The following SANBR variants were observed in gnomAD, a reference collection of about 807,000 sequenced individuals.
The protein encoded by SANBR is SANT and BTB domain regulator of class switch recombination.
SANBR carries 77 observed loss-of-function variants against 101.8 expected under a neutral mutation model. The ratio of observed to expected loss-of-function variants is 0.76; its 90% CI spans 0.63 to 0.91. The LOEUF (loss-of-function observed/expected upper bound fraction) is 0.91. Among genes scored for constraint, SANBR ranks in the 40% least tolerant of loss-of-function variants. SANBR has a pLI of 0.00. For missense variants in SANBR, 875 were observed against 853.0 expected (o/e 1.03, Z -0.32); for synonymous variants, 279 against 274.7 (o/e 1.02, Z -0.15).
rs1384979677 is a variant in SANBR at position 61,110,763 on chromosome 2, A to G, written c.1744+1467A>G. Among the ~76,000 whole-genome samples, 9 of 150,862 alleles carry G rather than the reference A, an allele frequency of 6.0e-5. No homozygotes were observed. The East Asian group carries it at 1.6e-3, about 26-fold the overall frequency. ...CTCAGGAGGCTGAGGCAGGAGAATCACTTGAACCCAGGAAGGGGAGGTTGC... is the reference window on the plus strand; with the variant it reads ...CTCAGGAGGCTGAGGCAGGAGAATCGCTTGAACCCAGGAAGGGGAGGTTGC... On this transcript the variant is annotated intron_variant, in intron 16 of 21. Transcript: ENST00000402291.
At chr2:61,086,865 CAG>C (rs745980777) in intron 8 of SANBR, among the ~76,000 whole-genome samples, 1 of 151,790 alleles carries the variant, frequency 6.6e-6, no homozygotes, top group Admixed American at 6.6e-5. Flanking sequence ...GGGAACAACA[CAG>C]AGAGGAATTA....
chr2:61,121,426 CAG>C lies in SANBR; in HGVS notation c.2120+152_2120+153del, dbSNP rs1158858395. 12 of 489,682 alleles carry C rather than the reference CAG, an allele frequency of 2.5e-5. No individual in the cohort carries two copies. The South Asian group carries it at 2.5e-4, about 10-fold the overall frequency. 30.3% of individuals were successfully genotyped at this position (489,682 alleles called of 1,614,324 possible). On this transcript the variant is annotated intron_variant, in intron 21 of 21. Coordinates refer to ENST00000402291, the MANE Select transcript of SANBR (RefSeq NM_001129993.3). ...ATATTATCAAGGCACTAATTAGAAA[CAG>C]ATTTTAACTTAAAAGATAAAATCTA... is the stretch of plus-strand genomic sequence containing the variant.
chr2:61,069,449 C>T (rs766137692), intron 2 of SANBR, among the ~76,000 whole-genome samples: 5 of 152,150 alleles, frequency 3.3e-5, no homozygotes, highest in Non-Finnish European at 5.9e-5. Flanking sequence ...CTCCTGTGTA[C>T]GCTGCCTTTT....
At chr2:61,113,862 A>AT (rs1683949643) in intron 16 of SANBR, among the ~76,000 whole-genome samples, 1 of 152,172 alleles carries the variant, frequency 6.6e-6, no homozygotes, top group African/African-American at 2.4e-5. Flanking sequence ...TAAGTATGTA[A>AT]TGTCAGTTGT....
chr2:61,133,849 G>A (rs899615204), intron 20 of SANBR, among the ~76,000 whole-genome samples: 2 of 152,162 alleles, frequency 1.3e-5, no homozygotes, highest in Admixed American at 6.6e-5. Flanking sequence ...TGATGAAAAT[G>A]TTCAAAACTG....
chr2:61,120,161 T>G (rs1361132656), intron 20 of SANBR, among the ~76,000 whole-genome samples: 1 of 152,202 alleles, frequency 6.6e-6, no homozygotes, highest in Non-Finnish European at 1.5e-5. Flanking sequence ...CTAGAAATAC[T>G]ATAAATGATG....
chr2:61,096,983 G>C (rs1007889604), intron 11 of SANBR, among the ~76,000 whole-genome samples: 21 of 152,222 alleles, frequency 1.4e-4, no homozygotes, highest in Middle Eastern at 3.4e-3. Context: ...GCAAAACCCT[G>C]TCTCTACTAA....
chr2:61,118,397 T>C (rs1460758494), intron 20 of SANBR, among the ~76,000 whole-genome samples: 1 of 151,282 alleles, frequency 6.6e-6, no homozygotes, highest in Non-Finnish European at 1.5e-5. Flanking sequence ...TGCACCACCA[T>C]GCGCAGCTGA....
downstream of SANBR, among the ~76,000 whole-genome samples, chr2:61,127,197 G>A (rs1684538501): frequency 6.6e-6 from 1 of 152,148 alleles, no homozygotes; most frequent in South Asian, 2.1e-4. Flanking sequence ...AACAGTGACT[G>A]GAGCAGCTGA....
intron 16 of SANBR, among the ~76,000 whole-genome samples, chr2:61,112,541 G>A (rs559204169): frequency 3.8e-4 from 58 of 150,792 alleles, no homozygotes; most frequent in Non-Finnish European, 5.0e-4. Context: ...CTGTCATCCA[G>A]GCTGGAGTGT....
At chr2:61,072,821 CTTTTTTTTTTTTT>C (rs70959893) in intron 4 of SANBR, among the ~76,000 whole-genome samples, 7 of 31,660 alleles carry the variant, frequency 2.2e-4, no homozygotes, top group Admixed American at 2.0e-3. Flanking sequence ...TCTCATGTTA[CTTTTTTTTTTTTT>C]TTTTTTTTTT....
intron 12 of SANBR, 28 bp from the exon 13 acceptor site, chr2:61,103,808 TTCTATAACAAACTAACC>T: frequency 6.3e-7 from 1 of 1,577,176 alleles, no homozygotes; most frequent in Non-Finnish European, 8.7e-7. Context: ...TAAAGGAGTG[TTCTATAACAAACTAACC>T]TCTAATTTAT....
At chr2:61,088,755 A>C in intron 10 of SANBR, 2 of 497,300 alleles carry the variant, frequency 4.0e-6, no homozygotes, top group Non-Finnish European at 5.2e-6. Context: ...TCCTGACCTC[A>C]TGATTTGCCC....
intron 21 of SANBR, among the ~76,000 whole-genome samples, chr2:61,135,828 A>AAGAAAGC (rs1036389358): frequency 2.0e-5 from 3 of 152,198 alleles, no homozygotes; most frequent in Admixed American, 1.3e-4. Context: ...TGAAAAGGGA[A>AAGAAAGC]AGAAAGCAGA....
At chr2:61,070,597 CA>C (rs776550314) in intron 3 of SANBR, 97 bp downstream of exon 3, 2 of 1,146,422 alleles carry the variant, frequency 1.7e-6, no homozygotes, top group Non-Finnish European at 2.5e-6. Flanking sequence ...TTGAGTTTTA[CA>C]TATTCAAATG....
Position 61,092,593 on chromosome 2 carries a change from A to ATT in SANBR, c.1212+16_1212+17dup. The ATT allele has an allele frequency of 4.7e-5, 65 of 1,374,866 alleles. No homozygotes were observed. Among genetic ancestry groups the ATT allele is most frequent in the East Asian group, 1.1e-4 (4 of 37,184 alleles). The allele number at this position is 1,374,866 out of a possible 1,614,324, so 85.2% of individuals were successfully genotyped here. A position where few individuals can be genotyped will look rare whatever the true frequency, so the allele number is the denominator to read the frequency against. The stretch of plus-strand genomic sequence containing the variant: ...CTTGTTCAAGATGTTATCAGGTAAG[A>ATT]TTTTTTTTTTTAAATATCCTGCTCT... On this transcript the variant is annotated splice_region_variant and intron_variant, in intron 11 of 21. Coordinates refer to ENST00000402291, the MANE Select transcript of SANBR (RefSeq NM_001129993.3).
At chr2:61,087,744 G>A (rs777107522) in intron 8 of SANBR, among the ~76,000 whole-genome samples, 1 of 151,810 alleles carries the variant, frequency 6.6e-6, no homozygotes, top group African/African-American at 2.4e-5. Context: ...CCAGCTACTC[G>A]GGATGCTCAG....
chr2:61,080,918 C>G (rs1340958685), intron 6 of SANBR, among the ~76,000 whole-genome samples: 1 of 152,156 alleles, frequency 6.6e-6, no homozygotes, highest in Non-Finnish European at 1.5e-5. Context: ...TAAACTACAG[C>G]ATCAGGCGGC....
chr2:61,118,213 TAA>T (rs1684168831), intron 20 of SANBR, 97 bp downstream of exon 20: 1 of 769,174 alleles, frequency 1.3e-6, no homozygotes, highest in East Asian at 2.8e-5. Context: ...GGCAGAATTT[TAA>T]AAGAGTAATT....
Sources: allele counts gnomAD v4.1 joint callset (sites outside exome capture counted in the v4.1 genomes callset), GRCh38; gene constraint gnomAD v4.1.1; transcripts MANE v1.5; gene names NCBI Gene and HGNC (gene_info 2026-07-23, HGNC 2026-07-21).